Variants in BACH1 observed in about 807,000 individuals in gnomAD.
BACH1 encodes transcription regulator protein BACH1.
BACH1 carries 35 observed loss-of-function variants against 52.9 expected under a neutral mutation model. That is an observed-to-expected ratio of 0.66 (90% confidence interval 0.51 to 0.88). The LOEUF (loss-of-function observed/expected upper bound fraction) is 0.88. Among genes scored for constraint, BACH1 ranks in the 40% least tolerant of loss-of-function variants. The pLI is 0.00. For missense variants in BACH1, 808 were observed against 872.6 expected (o/e 0.93, Z 0.93); for synonymous variants, 321 against 319.6 (o/e 1.00, Z -0.05).
chr21:29,323,078 C>T (rs933397309), intron 2 of BACH1, among the ~76,000 whole-genome samples: 1 of 152,132 alleles, frequency 6.6e-6, no homozygotes, highest in African/African-American at 2.4e-5. Context: ...ATTATAGTGA[C>T]AATGTCAAAA....
In BACH1 at chr21:29,326,801, T is replaced by C; in HGVS notation, c.977T>C (p.Leu326Ser). The C allele has an allele frequency of 6.2e-7, 1 of 1,614,178 alleles. No homozygotes were observed. Among genetic ancestry groups the C allele is most frequent in the Non-Finnish European group, 8.5e-7 (1 of 1,180,042 alleles). The change falls in exon 3 of 5, where the codon TTA becomes TCA. Residue 326 changes from leucine (L) to serine (S), a missense_variant. Leu to Ser is a moderately radical substitution (Grantham distance 145, BLOSUM62 -2). Coordinates refer to ENST00000286800, the MANE Select transcript of BACH1 (RefSeq NM_001186.4). Reference sequence around the variant, plus strand: ...CATGGACTTTATTCTTTGTCTCTTTTACACACATATGACCAATATGGTGAC... The same window carrying C: ...CATGGACTTTATTCTTTGTCTCTTTCACACACATATGACCAATATGGTGAC... The part of the protein sequence containing the change: ...DPHGLYSLSL[L>S]HTYDQYGDLN...
At chr21:29,317,895 T>C (rs1183137487) in intron 1 of BACH1, among the ~76,000 whole-genome samples, 1 of 151,654 alleles carries the variant, frequency 6.6e-6, no homozygotes, top group East Asian at 1.9e-4. Context: ...ACCGAGACAG[T>C]GAGGTTAAGC....
chr21:29,299,716 A>G (rs2088582043), intron 1 of BACH1: 1 of 152,120 alleles, frequency 6.6e-6, no homozygotes, highest in African/African-American at 2.4e-5. Context: ...AATTGTGCGG[A>G]ATGCTTTTAT....
At chr21:29,320,145 C>A (rs976177612) in intron 1 of BACH1, among the ~76,000 whole-genome samples, 4 of 152,094 alleles carry the variant, frequency 2.6e-5, no homozygotes, top group Non-Finnish European at 5.9e-5. Flanking sequence ...GAAAGCAGTA[C>A]CATTTACTCA....
At chr21:29,318,310 G>A (rs2088811217) in intron 1 of BACH1, among the ~76,000 whole-genome samples, 1 of 152,182 alleles carries the variant, frequency 6.6e-6, no homozygotes, top group Non-Finnish European at 1.5e-5. Context: ...CTAAGAGGCA[G>A]AGGCAGCAGG....
rs545608723 is a variant in BACH1, at chr21:29,306,725, C to T, written c.-61+7772C>T. Among the ~76,000 whole-genome samples the T allele has an allele frequency of 4.6e-5, 7 of 152,138 alleles. No individual in the cohort carries two copies. The East Asian group carries it at 1.2e-3, about 25-fold the overall frequency. On this transcript the variant is annotated intron_variant, in intron 1 of 4. Transcript: ENST00000286800. Reference sequence around the variant, plus strand: ...CACCACTACACTTAGATACAAACTTCGGAGGAGAAAAAGAAAATGTGCTTG... The same window carrying T: ...CACCACTACACTTAGATACAAACTTTGGAGGAGAAAAAGAAAATGTGCTTG...
rs2089163504 is a variant in BACH1, at chr21:29,345,849, G to C, written c.*3016G>C. On this transcript the variant is annotated 3_prime_UTR_variant, in exon 5 of 5. Transcript: ENST00000286800. ...AATAAACTATTCTTTGAAACTTGTTGGGTAGAATGAAAATTAAAGCCATAA... is the reference window on the plus strand; with the variant it reads ...AATAAACTATTCTTTGAAACTTGTTCGGTAGAATGAAAATTAAAGCCATAA... The C allele has an allele frequency of 6.6e-6, 1 of 152,460 alleles. No individual in the cohort carries two copies. Among genetic ancestry groups the C allele is most frequent in the African/African-American group, 2.4e-5 (1 of 41,404 alleles). The allele number at this position is 152,460 out of a possible 1,614,324, so 9.4% of individuals were successfully genotyped here.
At chr21:29,299,486 A>C (rs1288133483) in intron 1 of BACH1, 2 of 152,290 alleles carry the variant, frequency 1.3e-5, no homozygotes, top group Non-Finnish European at 2.9e-5. Flanking sequence ...TGGGGAGAGA[A>C]GGCCACCGTG....
chr21:29,358,770 A>AAAAGAAAAGAAAAGAAAGAAAGAAG (rs1409780180), intron 2 of BACH1, among the ~76,000 whole-genome samples: 2 of 108,890 alleles, frequency 1.8e-5, no homozygotes, highest in African/African-American at 3.3e-5. Context: ...AAAAGAAAAG[A>AAAAGAAAAGAAAAGAAAGAAAGAAG]AAAGAAAGAA....
At chr21:29,308,606 A>G (rs548444062) in intron 1 of BACH1, among the ~76,000 whole-genome samples, 6 of 152,254 alleles carry the variant, frequency 3.9e-5, no homozygotes, top group South Asian at 4.1e-4. Flanking sequence ...TTCGGTTACT[A>G]TGCATACTAT....
At chr21:29,352,334 G>A (rs555230348) in intron 2 of BACH1, among the ~76,000 whole-genome samples, 5 of 152,182 alleles carry the variant, frequency 3.3e-5, no homozygotes, top group South Asian at 4.1e-4. Flanking sequence ...GATTGCAGGC[G>A]TGAGCCACTG....
chr21:29,321,124 A>C, intron 1 of BACH1, 97 bp from the exon 2 acceptor site: 1 of 634,906 alleles, frequency 1.6e-6, no homozygotes, highest in Non-Finnish European at 2.6e-6. Context: ...TTTTATTTTC[A>C]TTTTTGTTTT....
intron 1 of BACH1, among the ~76,000 whole-genome samples, chr21:29,301,966 A>G (rs770947485): frequency 3.3e-5 from 5 of 152,132 alleles, no homozygotes; most frequent in Non-Finnish European, 7.4e-5. Context: ...TGTGCCTTCT[A>G]CACCCCTGTA....
chr21:29,317,526 A>G (rs896081546), intron 1 of BACH1, among the ~76,000 whole-genome samples: 1 of 152,212 alleles, frequency 6.6e-6, no homozygotes, highest in Non-Finnish European at 1.5e-5. Flanking sequence ...GCAGGAAGGA[A>G]GAGACAGTGA....
intron 2 of BACH1, chr21:29,361,020 C>T (rs1276091526): frequency 6.6e-6 from 1 of 152,186 alleles, no homozygotes; most frequent in Non-Finnish European, 1.5e-5. Context: ...ATGTCTGTCT[C>T]ACTCCACTAG....
At chr21:29,348,781 G>A (rs1244196115), downstream of BACH1, among the ~76,000 whole-genome samples, 1 of 152,138 alleles carries the variant, frequency 6.6e-6, no homozygotes, top group African/African-American at 2.4e-5. Flanking sequence ...TGCCTCCTAG[G>A]GATGGAGGAG....
chr21:29,330,637 G>A (rs1344978432), intron 4 of BACH1, among the ~76,000 whole-genome samples: 1 of 152,082 alleles, frequency 6.6e-6, no homozygotes, highest in Non-Finnish European at 1.5e-5. Context: ...AGATAGCAAG[G>A]AAACAGCCTA....
rs749913384 is a variant in BACH1, at chr21:29,320,377, G to A, written c.-60-844G>A. 7.8e-4 allele frequency among the ~76,000 whole-genome samples: 119 copies of A among 152,244 alleles called. 1 individual carries two copies. Among genetic ancestry groups the A allele is most frequent in the African/African-American group, 2.7e-3 (113 of 41,532 alleles). The stretch of plus-strand genomic sequence containing the variant: ...CATATATATCAGAATAGTAGCACAT[G>A]TCTGAAAAATATAGATAAGCATACA... On this transcript the variant is annotated intron_variant, in intron 1 of 4. Coordinates refer to ENST00000286800, the MANE Select transcript of BACH1 (RefSeq NM_001186.4).
intron 4 of BACH1, among the ~76,000 whole-genome samples, chr21:29,338,265 G>T (rs1470301990): frequency 6.6e-6 from 1 of 152,114 alleles, no homozygotes; most frequent in Non-Finnish European, 1.5e-5. Context: ...AGATTTATTT[G>T]CTTTTTTATG....
Sources: allele counts gnomAD v4.1 joint callset (sites outside exome capture counted in the v4.1 genomes callset), GRCh38; gene constraint gnomAD v4.1.1; transcripts MANE v1.5; gene names NCBI Gene and HGNC (gene_info 2026-07-23, HGNC 2026-07-21).